CAPS2: variants seen among roughly 807,000 people sequenced by gnomAD.
The protein encoded by CAPS2 is calcyphosin-2.
In CAPS2, 98 loss-of-function variants were observed where a neutral mutation model predicts 86.5. The ratio of observed to expected loss-of-function variants is 1.13; its 90% CI spans 0.96 to 1.34. CAPS2 has a LOEUF of 1.34. Ranked by LOEUF, CAPS2 falls within the 40% of genes most tolerant of loss-of-function variation. The pLI, the probability that CAPS2 is intolerant of heterozygous loss-of-function variation, is 0.00. For synonymous variants in CAPS2, 210 were observed against 225.1 expected (o/e 0.93, Z 0.60); for missense variants, 729 against 686.8 (o/e 1.06, Z -0.69).
At chr12:75,310,932 TG>T (rs1273660534) in intron 7 of CAPS2, among the ~76,000 whole-genome samples, 1 of 152,110 alleles carries the variant, frequency 6.6e-6, no homozygotes, top group Non-Finnish European at 1.5e-5. Flanking sequence ...CTAAGACCAT[TG>T]CTTTTGCTCA....
At chr12:75,289,910 A>G in intron 13 of CAPS2, 135 bp from the exon 14 acceptor site, 1 of 654,566 alleles carries the variant, frequency 1.5e-6, no homozygotes, top group South Asian at 2.1e-5. Context: ...AATCAAATGT[A>G]AGACAAAAGA....
intron 5 of CAPS2, among the ~76,000 whole-genome samples, chr12:75,320,384 A>G (rs1001575583): frequency 9.2e-5 from 14 of 152,156 alleles, no homozygotes; most frequent in Admixed American, 6.6e-4. Context: ...CATTTGGTAT[A>G]TCCTGCAAAC....
chr12:75,283,283 A>G (rs1429600850), intron 15 of CAPS2, among the ~76,000 whole-genome samples: 3 of 152,192 alleles, frequency 2.0e-5, no homozygotes, highest in East Asian at 1.9e-4. Context: ...AACATTCTGC[A>G]TTCGTAGTGG....
At chr12:75,388,862 G>A (rs1367406309) in intron 1 of CAPS2, among the ~76,000 whole-genome samples, 2 of 152,138 alleles carry the variant, frequency 1.3e-5, no homozygotes, top group African/African-American at 4.8e-5. Flanking sequence ...TGTTGATAAT[G>A]AGGGAGTTTA....
At chr12:75,298,896 C>G (rs2037351036) in exon 10 of CAPS2, 1 of 1,611,428 alleles carries the variant, frequency 6.2e-7, no homozygotes, top group Non-Finnish European at 8.5e-7. Flanking sequence ...TGTCGATATT[C>G]ATAAATTGTA....
intron 11 of CAPS2, 72 bp from the exon 12 acceptor site, chr12:75,293,439 A>G: frequency 1.1e-6 from 1 of 942,242 alleles, no homozygotes. Context: ...TCAATTTTAA[A>G]TAATGGATTT....
intron 1 of CAPS2, among the ~76,000 whole-genome samples, chr12:75,385,913 G>A (rs1593959622): frequency 6.6e-6 from 1 of 152,028 alleles, no homozygotes; most frequent in South Asian, 2.1e-4. Context: ...ATCTGTATGA[G>A]GAACACTACA....
intron 1 of CAPS2, among the ~76,000 whole-genome samples, chr12:75,359,064 T>C (rs977346061): frequency 1.5e-4 from 22 of 150,442 alleles, no homozygotes; most frequent in African/African-American, 5.3e-4. Context: ...GAAAATCCAC[T>C]GGAATCTACC....
At chr12:75,383,949 G>A (rs1236844746) in intron 1 of CAPS2, among the ~76,000 whole-genome samples, 2 of 151,976 alleles carry the variant, frequency 1.3e-5, no homozygotes, top group African/African-American at 4.8e-5. Context: ...AATCTCAAAA[G>A]AAATTTGAAA....
At chr12:75,371,485 T>C in intron 1 of CAPS2, 1 of 358,260 alleles carries the variant, frequency 2.8e-6, no homozygotes, top group South Asian at 2.1e-5. Context: ...TTTGCATCCT[T>C]CAATAAAGTT....
chr12:75,385,708 A>G (rs2045255398), intron 1 of CAPS2, among the ~76,000 whole-genome samples: 1 of 152,226 alleles, frequency 6.6e-6, no homozygotes, highest in Non-Finnish European at 1.5e-5. Context: ...AATCCAAAGA[A>G]TCAACAAACT....
At chr12:75,300,813 C>T (rs893664813) in intron 8 of CAPS2, among the ~76,000 whole-genome samples, 26 of 152,082 alleles carry the variant, frequency 1.7e-4, no homozygotes, top group Admixed American at 1.7e-3. Context: ...AGAGCGGTAA[C>T]ATCACTAAGC....
At chr12:75,371,901 C>T (rs2044382530) in intron 1 of CAPS2, among the ~76,000 whole-genome samples, 1 of 152,200 alleles carries the variant, frequency 6.6e-6, no homozygotes, top group South Asian at 2.1e-4. Flanking sequence ...TCCCATTGAC[C>T]TTAATCACAG....
At chr12:75,360,435 A>G (rs1466854725) in intron 1 of CAPS2, 1 of 152,196 alleles carries the variant, frequency 6.6e-6, no homozygotes, top group East Asian at 1.9e-4. Context: ...GGCATTGGGT[A>G]AATGCTCCCA....
chr12:75,387,452 T>C (rs1032974152), intron 1 of CAPS2, among the ~76,000 whole-genome samples: 2 of 152,156 alleles, frequency 1.3e-5, no homozygotes, highest in African/African-American at 4.8e-5. Flanking sequence ...CATTCACTGC[T>C]GGTGGGAATG....
At chr12:75,343,582 A>T in intron 1 of CAPS2, 1 of 821,514 alleles carries the variant, frequency 1.2e-6, no homozygotes, top group Non-Finnish European at 1.9e-6. Flanking sequence ...AAGAAAAACT[A>T]CATCTTATTA....
intron 1 of CAPS2, among the ~76,000 whole-genome samples, chr12:75,362,621 T>A (rs953606378): frequency 1.3e-5 from 2 of 152,160 alleles, no homozygotes; most frequent in African/African-American, 4.8e-5. Context: ...AGATAGAAGA[T>A]AAAGAGGCTT....
intron 1 of CAPS2, chr12:75,347,609 C>T: frequency 6.4e-7 from 1 of 1,565,144 alleles, no homozygotes; most frequent in East Asian, 2.3e-5. Flanking sequence ...CTTGACATTC[C>T]TTTTCTTTAT....
At chr12:75,362,274 A>G (rs4539373) in intron 1 of CAPS2, among the ~76,000 whole-genome samples, 140,938 of 152,206 alleles carry the variant, frequency 0.93, 65,327 homozygotes, top group East Asian at 1. Flanking sequence ...ATCATCATTC[A>G]TCATTTAAAA....
Sources: gnomAD v4.1 joint callset for allele counts (sites outside exome capture counted in the v4.1 genomes callset) on GRCh38, gnomAD v4.1.1 for gene constraint, MANE v1.5 for transcripts, NCBI Gene and HGNC (gene_info 2026-07-23, HGNC 2026-07-21) for gene names.